Variants in KCNMA1 observed in about 807,000 individuals in gnomAD.
KCNMA1 encodes the protein potassium calcium-activated channel subfamily M alpha 1, also known as Calcium-activated potassium channel subunit alpha-1.
In KCNMA1, 29 loss-of-function variants were observed where a neutral mutation model predicts 140.0. That is an observed-to-expected ratio of 0.21 (90% CI 0.15 to 0.28). The LOEUF (loss-of-function observed/expected upper bound fraction) is 0.28, where lower values mean the gene tolerates loss of function less well. KCNMA1 is among the 10% of genes least tolerant of loss of function. KCNMA1 has a pLI of 1.00. For synonymous variants in KCNMA1, 612 were observed against 611.9 expected, an observed-to-expected ratio of 1.00 and a Z score of 0.00; for missense variants, 880 against 1,602.2, an observed-to-expected ratio of 0.55 and a Z score of 7.70.
chr10:77,310,039 T>TGAGTTG (rs1324209695), intron 2 of KCNMA1, among the ~76,000 whole-genome samples: 1 of 152,156 alleles, frequency 6.6e-6, no homozygotes, highest in Non-Finnish European at 1.5e-5. Context: ...AGGCAGAATT[T>TGAGTTG]GAGTTGGATT....
intron 25 of KCNMA1, among the ~76,000 whole-genome samples, chr10:76,896,546 T>A (rs1480061313): frequency 6.6e-6 from 1 of 152,196 alleles, no homozygotes; most frequent in Non-Finnish European, 1.5e-5. Flanking sequence ...CATAGGAAAT[T>A]ATTAAGAGTA....
intron 5 of KCNMA1, among the ~76,000 whole-genome samples, chr10:77,142,324 T>C (rs2098194377): frequency 6.9e-6 from 1 of 145,028 alleles, no homozygotes; most frequent in Admixed American, 7.1e-5. Flanking sequence ...TAAGCCAAGA[T>C]AGTGCCACTG....
intron 1 of KCNMA1, among the ~76,000 whole-genome samples, chr10:77,418,915 C>T (rs1248443376): frequency 1.3e-5 from 2 of 152,234 alleles, no homozygotes; most frequent in African/African-American, 2.4e-5. Context: ...CCCCTCATTC[C>T]TTTTCAGACT....
chr10:76,974,876 C>T (rs999201930), intron 19 of KCNMA1, among the ~76,000 whole-genome samples: 10 of 152,104 alleles, frequency 6.6e-5, no homozygotes, highest in Non-Finnish European at 1.5e-4. Flanking sequence ...GTACAGACAC[C>T]GAAAACTCAG....
intron 16 of KCNMA1, 48 bp downstream of exon 16, chr10:77,027,775 T>A (rs1172691077): frequency 6.7e-7 from 1 of 1,482,498 alleles, no homozygotes; most frequent in African/African-American, 1.4e-5. Flanking sequence ...CAGAACGCAC[T>A]CTCACCATCA....
intron 2 of KCNMA1, among the ~76,000 whole-genome samples, chr10:77,258,887 C>G (rs1310409123): frequency 6.6e-6 from 1 of 152,114 alleles, no homozygotes; most frequent in Non-Finnish European, 1.5e-5. Context: ...TGCTTGAACC[C>G]AGGAAACGGA....
chr10:77,034,522 G>A (rs1222310904), intron 15 of KCNMA1, among the ~76,000 whole-genome samples: 2 of 152,206 alleles, frequency 1.3e-5, no homozygotes, highest in African/African-American at 4.8e-5. Context: ...AGATCTGTCT[G>A]TGCAAAATAA....
At chr10:76,941,645 G>A (rs1490594171) in intron 23 of KCNMA1, among the ~76,000 whole-genome samples, 5 of 152,208 alleles carry the variant, frequency 3.3e-5, no homozygotes, top group African/African-American at 4.8e-5. Flanking sequence ...GAGCAGAACA[G>A]ACTGCTGGCT....
chr10:77,273,321 C>T (rs1468698081), intron 2 of KCNMA1, among the ~76,000 whole-genome samples: 1 of 151,968 alleles, frequency 6.6e-6, no homozygotes, highest in Non-Finnish European at 1.5e-5. Flanking sequence ...AAGCTGAGTT[C>T]TTGAGTGATT....
chr10:77,201,321 G>C (rs1193775944), intron 3 of KCNMA1, among the ~76,000 whole-genome samples: 2 of 152,194 alleles, frequency 1.3e-5, no homozygotes, highest in Non-Finnish European at 2.9e-5. Context: ...ATTTCCATTT[G>C]TTCCAAGTCC....
chr10:77,240,340 C>T (rs977228071), intron 3 of KCNMA1, among the ~76,000 whole-genome samples: 5 of 152,190 alleles, frequency 3.3e-5, no homozygotes, highest in South Asian at 2.1e-4. Flanking sequence ...GTATTTGCCT[C>T]GAGAAAAATG....
At chr10:77,228,743 T>C (rs1280015387) in intron 3 of KCNMA1, among the ~76,000 whole-genome samples, 2 of 151,814 alleles carry the variant, frequency 1.3e-5, no homozygotes, top group Non-Finnish European at 2.9e-5. Flanking sequence ...GGCTACTGCT[T>C]TGCTCTTTCC....
At chr10:77,125,984 G>C (rs2616643) in intron 5 of KCNMA1, among the ~76,000 whole-genome samples, 133,912 of 152,144 alleles carry the variant, frequency 0.88, 58,969 homozygotes, top group African/African-American at 0.92. Flanking sequence ...AAGCCTTAAC[G>C]AATGACCACT....
At chr10:77,044,860 C>G (rs1271964615) in intron 14 of KCNMA1, among the ~76,000 whole-genome samples, 3 of 152,100 alleles carry the variant, frequency 2.0e-5, no homozygotes, top group Admixed American at 6.5e-5. Flanking sequence ...AACCACCCAC[C>G]ACAAAGATAG....
chr10:77,092,952 A>G (rs1367387957), intron 9 of KCNMA1, among the ~76,000 whole-genome samples: 1 of 152,254 alleles, frequency 6.6e-6, no homozygotes, highest in Non-Finnish European at 1.5e-5. Flanking sequence ...TGATTTATTC[A>G]GCCTTAGAAA....
intron 2 of KCNMA1, among the ~76,000 whole-genome samples, chr10:77,380,260 G>T (rs1259675103): frequency 6.6e-6 from 1 of 152,096 alleles, no homozygotes; most frequent in East Asian, 1.9e-4. Context: ...ATTTCTGCTT[G>T]ACTGCTACAT....
intron 6 of KCNMA1, among the ~76,000 whole-genome samples, chr10:77,112,887 A>T (rs2097360024): frequency 6.6e-6 from 1 of 152,068 alleles, no homozygotes; most frequent in African/African-American, 2.4e-5. Flanking sequence ...AATAAATCAG[A>T]GACATCATGG....
chr10:77,276,939 T>C (rs2066849684), intron 2 of KCNMA1, among the ~76,000 whole-genome samples: 1 of 152,136 alleles, frequency 6.6e-6, no homozygotes, highest in South Asian at 2.1e-4. Flanking sequence ...ACTTTATAGC[T>C]GAGGAAACTG....
At chr10:77,320,025 C>T (rs1451707925) in intron 2 of KCNMA1, among the ~76,000 whole-genome samples, 4 of 152,210 alleles carry the variant, frequency 2.6e-5, no homozygotes. Flanking sequence ...CAGACTTTCA[C>T]ACTAAACCAA....
Sources: gnomAD v4.1 joint callset for allele counts (sites outside exome capture counted in the v4.1 genomes callset) on GRCh38, gnomAD v4.1.1 for gene constraint, MANE v1.5 for transcripts, NCBI Gene and HGNC (gene_info 2026-07-23, HGNC 2026-07-21) for gene names.